Variants in TPRG1 observed in about 807,000 individuals in gnomAD.
TPRG1 encodes the protein tumor protein p63-regulated gene 1 protein.
TPRG1 carries 29 observed loss-of-function variants against 29.3 expected under a neutral mutation model. The observed-to-expected ratio is 0.99, with a 90% CI of 0.74 to 1.35. The LOEUF (loss-of-function observed/expected upper bound fraction) is 1.35. Ranked by LOEUF, TPRG1 falls within the 40% of genes most tolerant of loss-of-function variation. The probability of loss-of-function intolerance (pLI) is 0.00; values close to 1 mark genes in which losing one functional copy is unlikely to be tolerated. For missense variants in TPRG1, 327 were observed against 335.0 expected (o/e 0.98, Z 0.19); for synonymous variants, 130 against 116.8 (o/e 1.11, Z -0.73).
chr3:189,086,519 C>A (rs1405347533), intron 4 of TPRG1, among the ~76,000 whole-genome samples: 1 of 150,596 alleles, frequency 6.6e-6, no homozygotes, highest in East Asian at 2.0e-4. Context: ...GCCACCACAC[C>A]CAGCTAATTT....
chr3:189,134,080 T>TA (rs1331328461), intron 3 of TPRG1, among the ~76,000 whole-genome samples: 2 of 152,166 alleles, frequency 1.3e-5, no homozygotes, highest in African/African-American at 4.8e-5. Context: ...CTTTCCATTG[T>TA]ATGGTTTGTT....
At chr3:189,139,530 A>G (rs777353186) in intron 3 of TPRG1, among the ~76,000 whole-genome samples, 2 of 152,184 alleles carry the variant, frequency 1.3e-5, no homozygotes, top group Non-Finnish European at 2.9e-5. Flanking sequence ...TCAGACAATT[A>G]CCAGCCGAGC....
chr3:189,251,650 A>G (rs1742281373), intron 4 of TPRG1, among the ~76,000 whole-genome samples: 1 of 152,196 alleles, frequency 6.6e-6, no homozygotes, highest in Non-Finnish European at 1.5e-5. Context: ...TCTCTGCATC[A>G]TAGACAAGGT....
At chr3:189,117,662 T>G (rs368973148) in intron 1 of TPRG1, among the ~76,000 whole-genome samples, 1 of 152,200 alleles carries the variant, frequency 6.6e-6, no homozygotes, top group African/African-American at 2.4e-5. Context: ...GCTGTTCTTG[T>G]GATAATGAGT....
intron 4 of TPRG1, among the ~76,000 whole-genome samples, chr3:189,049,806 C>T (rs564402537): frequency 1.2e-4 from 18 of 152,172 alleles, no homozygotes; most frequent in Admixed American, 2.0e-4. Context: ...GACCCATAAA[C>T]GGTTCACATC....
intron 4 of TPRG1, among the ~76,000 whole-genome samples, chr3:189,088,993 TATCTATCTATC>T (rs1288973320): frequency 5.3e-5 from 8 of 152,204 alleles, no homozygotes; most frequent in African/African-American, 1.9e-4. Flanking sequence ...TCTATCTATC[TATCTATCTATC>T]TATCTATCTA....
At chr3:189,057,804 G>GTA (rs1170680162) in intron 4 of TPRG1, among the ~76,000 whole-genome samples, 5 of 140,750 alleles carry the variant, frequency 3.6e-5, no homozygotes, top group African/African-American at 5.3e-5. Flanking sequence ...GGGTATGTAT[G>GTA]TATATATATG....
At chr3:189,169,858 G>A (rs1728602762), upstream of TPRG1, among the ~76,000 whole-genome samples, 1 of 152,180 alleles carries the variant, frequency 6.6e-6, no homozygotes, top group Admixed American at 6.5e-5. Flanking sequence ...GTGAGCAGCT[G>A]AGCAGGGACC....
At chr3:189,020,614 G>T (rs1468498096) in intron 3 of TPRG1, among the ~76,000 whole-genome samples, 1 of 149,616 alleles carries the variant, frequency 6.7e-6, no homozygotes, top group Non-Finnish European at 1.5e-5. Context: ...TATAATTTCT[G>T]TTCTTTTACA....
intron 4 of TPRG1, among the ~76,000 whole-genome samples, chr3:189,033,658 C>T (rs180773084): frequency 6.4e-4 from 97 of 151,824 alleles, no homozygotes; most frequent in Non-Finnish European, 1.2e-3. Flanking sequence ...TGGCTCCCTG[C>T]AAGCTCCACC....
chr3:189,064,260 G>T (rs150044845), intron 4 of TPRG1, among the ~76,000 whole-genome samples: 2 of 152,190 alleles, frequency 1.3e-5, no homozygotes, highest in African/African-American at 4.8e-5. Context: ...AGAAAGCCTG[G>T]CATAATATGG....
intron 4 of TPRG1, among the ~76,000 whole-genome samples, chr3:189,052,313 A>G (rs1186520803): frequency 6.6e-6 from 1 of 152,054 alleles, no homozygotes; most frequent in Non-Finnish European, 1.5e-5. Context: ...AAGAAGATAT[A>G]CAAATAGCCA....
intron 4 of TPRG1, among the ~76,000 whole-genome samples, chr3:189,090,426 A>G (rs1039167786): frequency 6.6e-6 from 1 of 152,090 alleles, no homozygotes. Context: ...TGGAAAAAAT[A>G]TATATTGTTA....
chr3:189,324,154 C>T lies in TPRG1; in HGVS notation c.*3334C>T, dbSNP rs1724535325. ...CTTCTGAATCATTTGCCTTGAGGTCCATTTTTTATTCAGCCTTTGTTTAAA... is the reference window on the plus strand; with the variant it reads ...CTTCTGAATCATTTGCCTTGAGGTCTATTTTTTATTCAGCCTTTGTTTAAA... On this transcript the variant is annotated 3_prime_UTR_variant, in exon 6 of 6. Transcript: ENST00000345063. 1 of 152,062 alleles carries T rather than the reference C, an allele frequency of 6.6e-6. No individual in the cohort carries two copies. Among genetic ancestry groups the T allele is most frequent in the Admixed American group, 6.6e-5 (1 of 15,240 alleles). The allele number at this position is 152,062 out of a possible 1,614,324, so 9.4% of individuals were successfully genotyped here. A position where few individuals can be genotyped will look rare whatever the true frequency, so the allele number is the denominator to read the frequency against.
chr3:189,175,284 AGACGT>A (rs537968593), intron 1 of TPRG1, among the ~76,000 whole-genome samples: 1 of 148,904 alleles, frequency 6.7e-6, no homozygotes, highest in Non-Finnish European at 1.5e-5. Flanking sequence ...TTGGCTCAAT[AGACGT>A]GAGAAGAGTT....
At chr3:189,155,583 C>T (rs1726557869) in intron 5 of TPRG1, among the ~76,000 whole-genome samples, 1 of 151,818 alleles carries the variant, frequency 6.6e-6, no homozygotes, top group African/African-American at 2.4e-5. Flanking sequence ...TGTCAAGGGT[C>T]AAGGATATGG....
intron 1 of TPRG1, among the ~76,000 whole-genome samples, chr3:189,198,966 C>T (rs1047766783): frequency 3.9e-5 from 6 of 152,144 alleles, no homozygotes; most frequent in Non-Finnish European, 8.8e-5. Context: ...GAAAATCTCT[C>T]TAAAAATAAA....
At chr3:189,035,226 C>T (rs1023918110) in intron 4 of TPRG1, among the ~76,000 whole-genome samples, 2 of 152,112 alleles carry the variant, frequency 1.3e-5, no homozygotes, top group Admixed American at 6.5e-5. Flanking sequence ...GGATAACTGG[C>T]TAGTCATATG....
At chr3:189,072,275 C>T (rs1459825994) in intron 4 of TPRG1, among the ~76,000 whole-genome samples, 2 of 152,122 alleles carry the variant, frequency 1.3e-5, no homozygotes, top group South Asian at 2.1e-4. Context: ...TGCTTTATGA[C>T]TATTATCTCC....
Sources: gnomAD v4.1 joint callset for allele counts (sites outside exome capture counted in the v4.1 genomes callset) on GRCh38, gnomAD v4.1.1 for gene constraint, MANE v1.5 for transcripts, NCBI Gene and HGNC (gene_info 2026-07-23, HGNC 2026-07-21) for gene names.